CSNK1D: variants seen among roughly 807,000 people sequenced by gnomAD.
CSNK1D encodes casein kinase 1 delta.
Under a neutral mutation model 46.6 loss-of-function variants are expected in CSNK1D, and 16 were observed. The ratio of observed to expected loss-of-function variants is 0.34; its 90% confidence interval spans 0.23 to 0.52. The LOEUF is 0.52. Among genes scored for constraint, CSNK1D ranks in the 20% least tolerant of loss-of-function variants. CSNK1D has a pLI of 0.95. For missense variants in CSNK1D, 398 were observed against 578.4 expected (o/e 0.69, Z 3.20); for synonymous variants, 276 against 228.2 (o/e 1.21, Z -1.89).
rs1568558156 is a variant in CSNK1D at position 82,249,263 on chromosome 17, A to G, written c.1057+168T>C. 1 of 825,364 alleles carries G rather than the reference A, an allele frequency of 1.2e-6. No homozygotes were observed. Among genetic ancestry groups the G allele is most frequent in the East Asian group, 2.7e-5 (1 of 37,486 alleles). The allele number at this position is 825,364 out of a possible 1,614,324, so 51.1% of individuals were successfully genotyped here. A position where few individuals can be genotyped will look rare whatever the true frequency, so the allele number is the denominator to read the frequency against. On this transcript the variant is annotated intron_variant, in intron 7 of 8. Coordinates refer to ENST00000314028, the MANE Select transcript of CSNK1D (RefSeq NM_001893.6). This position sits in a 1 kb window ranked among gnomAD's most constrained non-coding sequence, Gnocchi z 6.7. ...ATCACGCACACCAGCAGGTGCCGGCATTTCTAAAGGCGCCTGGGCAGCCTG... is the reference window on the plus strand; with the variant it reads ...ATCACGCACACCAGCAGGTGCCGGCGTTTCTAAAGGCGCCTGGGCAGCCTG...
rs376492459 is a variant in CSNK1D at position 82,248,924 on chromosome 17, G to A, written c.1148C>T (p.Ser383Leu). Residue 383 changes from serine to leucine, a missense_variant, in exon 8 of 9, where the codon TCG (serine) becomes TTG (leucine). Coordinates refer to ENST00000314028, the MANE Select transcript of CSNK1D (RefSeq NM_001893.6). This position sits in a 1 kb window ranked among gnomAD's most constrained non-coding sequence, Gnocchi z 4.1. Reference sequence around the variant, plus strand: ...ATCTTGTCGGCCTGTGAGGTCGGACGAGGAGATGTTGACGGGGGCCCCGCG... The same window carrying A: ...ATCTTGTCGGCCTGTGAGGTCGGACAAGGAGATGTTGACGGGGGCCCCGCG... ...LHRGAPVNIS[S>L]SDLTGRQDTS... 5.6e-6 allele frequency: 9 copies of A among 1,608,658 alleles called. No individual in the cohort carries two copies. The highest frequency in any genetic ancestry group is 7.6e-6 in the Non-Finnish European group (9 of 1,177,234).
rs1297605597 is a variant in CSNK1D at position 82,244,523 on chromosome 17, TTCTC to T, written c.*254_*257del. On this transcript the variant is annotated 3_prime_UTR_variant, in exon 9 of 9. Coordinates refer to ENST00000314028, the MANE Select transcript of CSNK1D (RefSeq NM_001893.6). ...GGAAAAGGAGTCTGATTCTCTGCAATTCTCTCTCTGCTTTTCTTCCCAGCCCCGT... is the reference window on the plus strand; with the variant it reads ...GGAAAAGGAGTCTGATTCTCTGCAATTCTCTGCTTTTCTTCCCAGCCCCGT... 5.6e-6 allele frequency: 8 copies of T among 1,440,226 alleles called. No individual in the cohort carries two copies. Among genetic ancestry groups the T allele is most frequent in the Admixed American group, 2.4e-5 (1 of 41,612 alleles). 89.2% of individuals were successfully genotyped at this position (1,440,226 alleles called of 1,614,324 possible).
chr17:82,251,617 GCA>G lies in CSNK1D; in HGVS notation c.737-92_737-91del, dbSNP rs2051011236. The G allele has an allele frequency of 1.5e-6, 2 of 1,294,614 alleles. No homozygotes were observed. The highest frequency in any genetic ancestry group is 2.5e-5 in the South Asian group (2 of 81,544). The allele number at this position is 1,294,614 out of a possible 1,614,324, so 80.2% of individuals were successfully genotyped here. A position where few individuals can be genotyped will look rare whatever the true frequency, so the allele number is the denominator to read the frequency against. ...ACGTCGCTGTCTACCTCCTGCTGCT[GCA>G]CACTCAAGGGGAGAAGGACAGATGC... On this transcript the variant is annotated intron_variant, in intron 5 of 8. Transcript: ENST00000314028. The surrounding 1 kb of genome is among the most constrained non-coding windows in gnomAD (Gnocchi z 4.5).
chr17:82,269,257 T>G (rs2051556946), intron 1 of CSNK1D, among the ~76,000 whole-genome samples: 1 of 152,040 alleles, frequency 6.6e-6, no homozygotes, highest in African/African-American at 2.4e-5. Context: ...GGAGACGCCT[T>G]GAGCAGCAGG....
In CSNK1D at chr17:82,250,246, C is replaced by G; in HGVS notation, c.886-644G>C. On this transcript the variant is annotated intron_variant, in intron 6 of 8. Transcript: ENST00000314028. The surrounding 1 kb of genome is among the most constrained non-coding windows in gnomAD (Gnocchi z 4.6). The stretch of plus-strand genomic sequence containing the variant: ...GGGCCTGCAAACTACAGCCCCGGGG[C>G]CAAACCCAGGTGCCACTTCTTCCTG... 7.8e-7 allele frequency: 1 copy of G among 1,280,110 alleles called. No homozygotes were observed. Among genetic ancestry groups the G allele is most frequent in the East Asian group, 5.6e-5 (1 of 17,954 alleles). The allele number at this position is 1,280,110 out of a possible 1,614,324, so 79.3% of individuals were successfully genotyped here.
At chr17:82,270,343 C>T (rs4072505) in intron 1 of CSNK1D, among the ~76,000 whole-genome samples, 1 of 152,190 alleles carries the variant, frequency 6.6e-6, no homozygotes, top group South Asian at 2.1e-4. Context: ...AGCCTTCCCC[C>T]CTTCCTGGTC....
Position 82,252,735 on chromosome 17 carries a change from A to G in CSNK1D, c.566-131T>C, listed in dbSNP as rs1375700581. ...CCAGATCACTCCAGCTGGCACTTCC[A>G]GTGGAGACGAACCTCGGACACACAT... On this transcript the variant is annotated intron_variant, in intron 4 of 8. Coordinates refer to ENST00000314028, the MANE Select transcript of CSNK1D (RefSeq NM_001893.6). This position sits in a 1 kb window ranked among gnomAD's most constrained non-coding sequence, Gnocchi z 4.6. The G allele has an allele frequency of 9.3e-6, 9 of 967,796 alleles. No homozygotes were observed. The highest frequency in any genetic ancestry group is 1.4e-5 in the Non-Finnish European group (9 of 628,492). 60.0% of individuals were successfully genotyped at this position (967,796 alleles called of 1,614,324 possible).
At chr17:82,269,950 ACTT>A (rs1346815563) in intron 1 of CSNK1D, among the ~76,000 whole-genome samples, 11 of 152,222 alleles carry the variant, frequency 7.2e-5, no homozygotes, top group Admixed American at 4.6e-4. Context: ...AAGTGAAAGA[ACTT>A]CTGGTTTATG....
Position 82,250,288 on chromosome 17 carries a change from G to T in CSNK1D, c.886-686C>A, listed in dbSNP as rs2050968376. Reference sequence around the variant, plus strand: ...TTCTTCCTGCAAGTACAGCTCATTGGACACAGCCACGTTCACCAGGCAACA... The same window carrying T: ...TTCTTCCTGCAAGTACAGCTCATTGTACACAGCCACGTTCACCAGGCAACA... On this transcript the variant is annotated intron_variant, in intron 6 of 8. Transcript: ENST00000314028. This position sits in a 1 kb window ranked among gnomAD's most constrained non-coding sequence, Gnocchi z 4.6. 3.8e-6 allele frequency: 4 copies of T among 1,045,300 alleles called. No homozygotes were observed. The highest frequency in any genetic ancestry group is 5.2e-6 in the Non-Finnish European group (4 of 768,430). 64.8% of individuals were successfully genotyped at this position (1,045,300 alleles called of 1,614,324 possible).
chr17:82,249,104 C>A lies in CSNK1D; in HGVS notation c.1058-90G>T. On this transcript the variant is annotated intron_variant, in intron 7 of 8. Transcript: ENST00000314028. The surrounding 1 kb of genome is among the most constrained non-coding windows in gnomAD (Gnocchi z 6.7). ...ATGAGAGGCTGTGGCCAGAGAGGAC[C>A]CTGGGCTGCCTGGACAGTCAGGACC... 1 of 1,448,636 alleles carries A rather than the reference C, an allele frequency of 6.9e-7. No individual in the cohort carries two copies. The highest frequency in any genetic ancestry group is 9.3e-7 in the Non-Finnish European group (1 of 1,074,698). The allele number at this position is 1,448,636 out of a possible 1,614,324, so 89.7% of individuals were successfully genotyped here. A position where few individuals can be genotyped will look rare whatever the true frequency, so the allele number is the denominator to read the frequency against.
chr17:82,269,253 G>A (rs959080772), intron 1 of CSNK1D, among the ~76,000 whole-genome samples: 4 of 152,110 alleles, frequency 2.6e-5, no homozygotes, highest in Non-Finnish European at 1.5e-5. Context: ...ACAGGGAGAC[G>A]CCTTGAGCAG....
rs892548752 is a variant in CSNK1D at position 82,273,240 on chromosome 17, G to A, written c.76+66C>T. The A allele has an allele frequency of 6.7e-7, 1 of 1,498,778 alleles. No homozygotes were observed. Among genetic ancestry groups the A allele is most frequent in the Non-Finnish European group, 9.1e-7 (1 of 1,102,260 alleles). 92.8% of individuals were successfully genotyped at this position (1,498,778 alleles called of 1,614,324 possible). A position where few individuals can be genotyped will look rare whatever the true frequency, so the allele number is the denominator to read the frequency against. ...GGGGCCACCACTTCCTTCCGCGATC[G>A]CGCTTGGTCTTGGCAGCCGCAGGGC... is the stretch of plus-strand genomic sequence containing the variant. On this transcript the variant is annotated intron_variant, in intron 1 of 8. Transcript: ENST00000314028. This position sits in a 1 kb window ranked among gnomAD's most constrained non-coding sequence, Gnocchi z 5.1.
At chr17:82,247,049 C>T (rs896338011) in intron 8 of CSNK1D, 9 of 985,362 alleles carry the variant, frequency 9.1e-6, no homozygotes, top group East Asian at 1.1e-4. Flanking sequence ...GGAGGGGGCC[C>T]GCCCTGGAGG....
rs1599586018 is a variant in CSNK1D, at chr17:82,251,009, T to C, written c.885+370A>G. ...CCTCACCAGGCCCCAACCCCACTCATCTCGTGGGCACCACGACCATGTGGC... is the reference window on the plus strand; with the variant it reads ...CCTCACCAGGCCCCAACCCCACTCACCTCGTGGGCACCACGACCATGTGGC... On this transcript the variant is annotated intron_variant, in intron 6 of 8. Transcript: ENST00000314028. This position sits in a 1 kb window ranked among gnomAD's most constrained non-coding sequence, Gnocchi z 4.5. The C allele has an allele frequency of 2.9e-6, 1 of 342,918 alleles. No homozygotes were observed. The highest frequency in any genetic ancestry group is 5.6e-6 in the Non-Finnish European group (1 of 177,344). The allele number at this position is 342,918 out of a possible 1,614,324, so 21.2% of individuals were successfully genotyped here.
chr17:82,239,129 G>C (rs2050698944), downstream of CSNK1D: 1 of 710,778 alleles, frequency 1.4e-6, no homozygotes, highest in Admixed American at 3.3e-5. Context: ...TTTTGAGGGG[G>C]AAGGTGGCGG....
Position 82,252,698 on chromosome 17 carries a change from A to C in CSNK1D, c.566-94T>G, listed in dbSNP as rs2051044757. On this transcript the variant is annotated intron_variant, in intron 4 of 8. Transcript: ENST00000314028. The surrounding 1 kb of genome is among the most constrained non-coding windows in gnomAD (Gnocchi z 4.6). ...GGCCGTTCCAGTGGAGACTAGCCTC[A>C]GACACACATGCCCAGATCACTCCAG... The C allele has an allele frequency of 7.9e-7, 1 of 1,271,294 alleles. No homozygotes were observed. Among genetic ancestry groups the C allele is most frequent in the African/African-American group, 1.5e-5 (1 of 67,630 alleles). 78.8% of individuals were successfully genotyped at this position (1,271,294 alleles called of 1,614,324 possible).
At position 82,248,513 on chromosome 17, in the gene CSNK1D, G is replaced by A. The variant is rs975982751; in HGVS notation, c.1197+362C>T. On this transcript the variant is annotated intron_variant, in intron 8 of 8. Coordinates refer to ENST00000314028, the MANE Select transcript of CSNK1D (RefSeq NM_001893.6). This position sits in a 1 kb window ranked among gnomAD's most constrained non-coding sequence, Gnocchi z 4.1. ...AGGAAGAATGAGGAAGGCTCCCTCGGGCTGGGGGCACCCACAATGGGGCGC... is the reference window on the plus strand; with the variant it reads ...AGGAAGAATGAGGAAGGCTCCCTCGAGCTGGGGGCACCCACAATGGGGCGC... 69 of 1,126,754 alleles carry A rather than the reference G, an allele frequency of 6.1e-5. No homozygotes were observed. The highest frequency in any genetic ancestry group is 7.4e-5 in the Non-Finnish European group (68 of 913,376). 69.8% of individuals were successfully genotyped at this position (1,126,754 alleles called of 1,614,324 possible). A position where few individuals can be genotyped will look rare whatever the true frequency, so the allele number is the denominator to read the frequency against.
chr17:82,240,829 G>A (rs1276461036), downstream of CSNK1D, among the ~76,000 whole-genome samples: 1 of 152,160 alleles, frequency 6.6e-6, no homozygotes, highest in Non-Finnish European at 1.5e-5. Flanking sequence ...GCCGCAGGGT[G>A]GGCGTGAGTG....
In CSNK1D at chr17:82,242,756, G is replaced by A; in HGVS notation, c.*2025C>T. Reference sequence around the variant, plus strand: ...ATACAAACGCACAGCTCGGAGACTGGCCGTCAGTGCACAGCTGACACGACG... The same window carrying A: ...ATACAAACGCACAGCTCGGAGACTGACCGTCAGTGCACAGCTGACACGACG... On this transcript the variant is annotated 3_prime_UTR_variant, in exon 9 of 9. Coordinates refer to ENST00000314028, the MANE Select transcript of CSNK1D (RefSeq NM_001893.6). The A allele has an allele frequency of 3.0e-6, 3 of 985,446 alleles. No homozygotes were observed. The highest frequency in any genetic ancestry group is 9.4e-5 in the South Asian group (2 of 21,292). 61.0% of individuals were successfully genotyped at this position (985,446 alleles called of 1,614,324 possible). A position where few individuals can be genotyped will look rare whatever the true frequency, so the allele number is the denominator to read the frequency against.
Sources: allele counts gnomAD v4.1 joint callset (sites outside exome capture counted in the v4.1 genomes callset), GRCh38; gene constraint gnomAD v4.1.1; non-coding constraint Gnocchi (gnomAD v3.1); transcripts MANE v1.5; gene names NCBI Gene and HGNC (gene_info 2026-07-23, HGNC 2026-07-21).